Variants in BTC observed in about 807,000 individuals in gnomAD.
BTC encodes probetacellulin.
In BTC, 13 loss-of-function variants were observed where a neutral mutation model predicts 18.1. The ratio of observed to expected loss-of-function variants is 0.72; its 90% CI spans 0.47 to 1.14. The LOEUF (loss-of-function observed/expected upper bound fraction) is 1.14. Ranked by LOEUF, BTC falls within the 50% of genes most tolerant of loss-of-function variation. The pLI, the probability that BTC is intolerant of heterozygous loss-of-function variation, is 0.00. For missense variants in BTC, 247 were observed against 224.2 expected (o/e 1.10, Z -0.65); for synonymous variants, 83 against 79.4 (o/e 1.05, Z -0.24).
At chr4:74,781,804 G>A (rs1296929494) in intron 1 of BTC, among the ~76,000 whole-genome samples, 1 of 151,516 alleles carries the variant, frequency 6.6e-6, no homozygotes, top group Non-Finnish European at 1.5e-5. Context: ...TCACCACCAT[G>A]CATCTCCAGA....
rs1724249698 is a variant in BTC, at chr4:74,744,779, A to T, written c.*1898T>A. ...TTTACTTTGTTTTAAAAATAAATTT[A>T]TTTTATTACATGATAATATTGACAG... On this transcript the variant is annotated 3_prime_UTR_variant, in exon 6 of 6. Coordinates refer to ENST00000395743, the MANE Select transcript of BTC (RefSeq NM_001729.4). 6.6e-6 allele frequency: 1 copy of T among 152,246 alleles called. No individual in the cohort carries two copies. Among genetic ancestry groups the T allele is most frequent in the Admixed American group, 6.5e-5 (1 of 15,288 alleles). 9.4% of individuals were successfully genotyped at this position (152,246 alleles called of 1,614,324 possible). A position where few individuals can be genotyped will look rare whatever the true frequency, so the allele number is the denominator to read the frequency against.
intron 2 of BTC, among the ~76,000 whole-genome samples, chr4:74,756,416 C>T (rs6532364): frequency 0.62 from 93,615 of 152,012 alleles, 28,911 homozygotes; most frequent in East Asian, 0.66. Flanking sequence ...CTGTTTGCTT[C>T]TTGTATATTA....
At chr4:74,794,212 C>A (rs1276744061) in intron 1 of BTC, 50 bp downstream of exon 1, 1 of 1,548,464 alleles carries the variant, frequency 6.5e-7, no homozygotes, top group East Asian at 2.4e-5. Context: ...CCCCGCGACT[C>A]CAGCCCCAGA....
chr4:74,767,594 A>G (rs1447175130), intron 2 of BTC, among the ~76,000 whole-genome samples: 1 of 152,094 alleles, frequency 6.6e-6, no homozygotes, highest in Non-Finnish European at 1.5e-5. Flanking sequence ...AAAGGAAACT[A>G]CAAAGGACCC....
At chr4:74,759,270 C>T (rs75880577) in intron 2 of BTC, among the ~76,000 whole-genome samples, 1 of 152,028 alleles carries the variant, frequency 6.6e-6, no homozygotes, top group South Asian at 2.1e-4. Flanking sequence ...TCGTATTTCT[C>T]TGCTGTAAAG....
chr4:74,757,971 G>A (rs1308793769), intron 2 of BTC, among the ~76,000 whole-genome samples: 1 of 152,166 alleles, frequency 6.6e-6, no homozygotes, highest in Non-Finnish European at 1.5e-5. Context: ...CTCAGTAAAT[G>A]AGTTAATCCC....
intron 1 of BTC, among the ~76,000 whole-genome samples, chr4:74,785,712 C>A (rs1363570112): frequency 6.6e-6 from 1 of 152,182 alleles, no homozygotes; most frequent in Non-Finnish European, 1.5e-5. Context: ...TACCCACTTT[C>A]AGCTTCCTCT....
chr4:74,747,972 A>G (rs1792417845), intron 5 of BTC, 68 bp downstream of exon 5: 1 of 746,790 alleles, frequency 1.3e-6, no homozygotes, highest in Admixed American at 2.8e-5. Flanking sequence ...AGTAGATGCA[A>G]GTAAGCCCAA....
intron 2 of BTC, among the ~76,000 whole-genome samples, chr4:74,756,696 G>A (rs929660634): frequency 2.6e-5 from 4 of 152,150 alleles, no homozygotes; most frequent in African/African-American, 4.8e-5. Flanking sequence ...ACCTGCCTCC[G>A]TGGGCAATTG....
At chr4:74,750,213 A>G (rs2109878028) in intron 4 of BTC, among the ~76,000 whole-genome samples, 1 of 152,358 alleles carries the variant, frequency 6.6e-6, no homozygotes, top group Non-Finnish European at 1.5e-5. Context: ...AAGGAAAAAC[A>G]AAGTAACATG....
intron 2 of BTC, among the ~76,000 whole-genome samples, chr4:74,758,798 C>T (rs1724672561): frequency 6.6e-6 from 1 of 152,172 alleles, no homozygotes; most frequent in African/African-American, 2.4e-5. Context: ...TCTCCTTTGC[C>T]AAGTAAGCAT....
chr4:74,750,827 A>G, intron 3 of BTC, 108 bp from the exon 4 acceptor site: 1 of 1,420,004 alleles, frequency 7.0e-7, no homozygotes, highest in Non-Finnish European at 9.6e-7. Context: ...TTAATAAAGA[A>G]CACAGTTCCC....
intron 1 of BTC, among the ~76,000 whole-genome samples, chr4:74,793,614 C>T (rs1349642269): frequency 6.6e-6 from 1 of 152,156 alleles, no homozygotes; most frequent in African/African-American, 2.4e-5. Context: ...ACTACCTTCC[C>T]TCGGTGGAGG....
intron 4 of BTC, among the ~76,000 whole-genome samples, chr4:74,748,996 T>C (rs1724373078): frequency 1.3e-5 from 2 of 152,194 alleles, no homozygotes; most frequent in Admixed American, 6.5e-5. Context: ...AATAAAAATA[T>C]ATCTTTCAAT....
intron 2 of BTC, among the ~76,000 whole-genome samples, chr4:74,762,163 A>C (rs1240744691): frequency 6.6e-6 from 1 of 152,112 alleles, no homozygotes; most frequent in African/African-American, 2.4e-5. Flanking sequence ...TCTCATTTGC[A>C]TTTTGCCTTC....
intron 1 of BTC, among the ~76,000 whole-genome samples, chr4:74,772,028 A>G (rs1317530596): frequency 6.6e-6 from 1 of 152,232 alleles, no homozygotes. Context: ...AATAAAGCAG[A>G]CCACAGAATA....
At chr4:74,778,240 G>C (rs1725228637) in intron 1 of BTC, among the ~76,000 whole-genome samples, 1 of 152,074 alleles carries the variant, frequency 6.6e-6, no homozygotes, top group Middle Eastern at 3.4e-3. Flanking sequence ...CATAATTCTT[G>C]AGCAGATTTT....
chr4:74,794,512 G>A lies in BTC; in HGVS notation c.-187C>T, dbSNP rs945557043. On this transcript the variant is annotated 5_prime_UTR_variant, in exon 1 of 6. Transcript: ENST00000395743. ...AAACACCCAGGGCGGGAGGCCGGCC[G>A]GCTCCGTGAATGTCGCCGGGAGGAG... 1.1e-4 allele frequency: 70 copies of A among 648,158 alleles called. No individual in the cohort carries two copies. In the East Asian group the frequency reaches 2.1e-3, roughly 19 times the overall value. 40.2% of individuals were successfully genotyped at this position (648,158 alleles called of 1,614,324 possible). A position where few individuals can be genotyped will look rare whatever the true frequency, so the allele number is the denominator to read the frequency against.
chr4:74,771,768 A>G (rs1428473964), intron 1 of BTC, among the ~76,000 whole-genome samples: 1 of 152,230 alleles, frequency 6.6e-6, no homozygotes, highest in African/African-American at 2.4e-5. Flanking sequence ...TACAAAACAT[A>G]AAAGCAAATA....
Sources: gnomAD v4.1 joint callset for allele counts (sites outside exome capture counted in the v4.1 genomes callset) on GRCh38, gnomAD v4.1.1 for gene constraint, MANE v1.5 for transcripts, NCBI Gene and HGNC (gene_info 2026-07-23, HGNC 2026-07-21) for gene names.